Variants in ANKRD6 observed in about 807,000 individuals in gnomAD.
ANKRD6 encodes the protein ankyrin repeat domain-containing protein 6.
A neutral mutation model predicts 82.3 loss-of-function variants in ANKRD6; 56 were observed. The observed-to-expected ratio is 0.68, with a 90% CI of 0.55 to 0.85. The LOEUF is 0.85. Among genes scored for constraint, ANKRD6 ranks in the 40% least tolerant of loss-of-function variants. ANKRD6 has a pLI of 0.00. For synonymous variants in ANKRD6, 347 were observed against 352.1 expected, an observed-to-expected ratio of 0.99 and a Z score of 0.16; for missense variants, 852 against 907.6, an observed-to-expected ratio of 0.94 and a Z score of 0.79.
chr6:89,476,984 G>T (rs545399999), intron 1 of ANKRD6, among the ~76,000 whole-genome samples: 1 of 152,048 alleles, frequency 6.6e-6, no homozygotes, highest in African/African-American at 2.4e-5. Flanking sequence ...TCGTTCTGTC[G>T]CCCAGGCTGG....
intron 1 of ANKRD6, among the ~76,000 whole-genome samples, chr6:89,438,025 C>G (rs950542042): frequency 6.6e-6 from 1 of 152,162 alleles, no homozygotes; most frequent in Non-Finnish European, 1.5e-5. Context: ...GTTTTAAACT[C>G]AGATGAATGG....
In ANKRD6 at chr6:89,607,759, G is replaced by A. The variant is rs189222004; in HGVS notation, c.417+1654G>A. 2.2e-3 allele frequency among the ~76,000 whole-genome samples: 332 copies of A among 151,450 alleles called. 2 individuals carry two copies. Among genetic ancestry groups the A allele is most frequent in the African/African-American group, 7.7e-3 (318 of 41,312 alleles). On this transcript the variant is annotated intron_variant, in intron 5 of 15. Transcript: ENST00000339746. ...CAACCTCTGCCTCCTGAGTTCAAGC[G>A]ATTCTCCTGCCTCAGCCTCCTAAGT...
intron 1 of ANKRD6, among the ~76,000 whole-genome samples, chr6:89,469,379 A>C (rs1775201007): frequency 1.3e-5 from 2 of 152,120 alleles, no homozygotes; most frequent in South Asian, 4.1e-4. Flanking sequence ...TTGTAAGTCC[A>C]ACAAGCAGCT....
chr6:89,497,906 T>TGGTC (rs1778827539), intron 1 of ANKRD6, among the ~76,000 whole-genome samples: 1 of 152,202 alleles, frequency 6.6e-6, no homozygotes, highest in Non-Finnish European at 1.5e-5. Flanking sequence ...AGGCAACCAT[T>TGGTC]GGTCCCCTTT....
intron 1 of ANKRD6, among the ~76,000 whole-genome samples, chr6:89,499,860 T>C (rs1046999483): frequency 2.0e-5 from 3 of 152,060 alleles, no homozygotes; most frequent in Non-Finnish European, 4.4e-5. Context: ...CTTTGATTCC[T>C]CAAGACTTCA....
intron 1 of ANKRD6, among the ~76,000 whole-genome samples, chr6:89,512,729 A>C (rs147825550): frequency 6.6e-6 from 1 of 152,372 alleles, no homozygotes; most frequent in African/African-American, 2.4e-5. Context: ...ATGGCTGTGC[A>C]GCATGTTGCA....
chr6:89,473,459 T>C (rs1001588588), intron 1 of ANKRD6, among the ~76,000 whole-genome samples: 2 of 152,140 alleles, frequency 1.3e-5, no homozygotes, highest in African/African-American at 4.8e-5. Flanking sequence ...GTGTTACTTC[T>C]TGTTTACTTT....
intron 1 of ANKRD6, among the ~76,000 whole-genome samples, chr6:89,446,965 T>C (rs1772168944): frequency 6.6e-6 from 1 of 152,128 alleles, no homozygotes; most frequent in African/African-American, 2.4e-5. Flanking sequence ...TTCCTGAGGG[T>C]TCCCCAGCCC....
chr6:89,541,797 G>GAT (rs552201673), intron 1 of ANKRD6, among the ~76,000 whole-genome samples: 1,796 of 150,620 alleles, frequency 0.012, 20 homozygotes, highest in African/African-American at 0.021. Context: ...TTTTCATAGA[G>GAT]ATATATATAT....
At chr6:89,590,026 A>G (rs1794571918) in intron 2 of ANKRD6, among the ~76,000 whole-genome samples, 2 of 152,334 alleles carry the variant, frequency 1.3e-5, no homozygotes, top group African/African-American at 4.8e-5. Flanking sequence ...GATAACCTCC[A>G]GCCACACGTG....
At chr6:89,603,361 C>T (rs950231322) in intron 4 of ANKRD6, among the ~76,000 whole-genome samples, 12 of 129,730 alleles carry the variant, frequency 9.2e-5, no homozygotes. Flanking sequence ...GGGTCTCACT[C>T]TGTTGCCCAG....
intron 1 of ANKRD6, among the ~76,000 whole-genome samples, chr6:89,539,382 T>C (rs78370457): frequency 0.028 from 4,229 of 152,250 alleles, 89 homozygotes; most frequent in Non-Finnish European, 0.042. Flanking sequence ...CAAGTAGTGT[T>C]GTCCTTAACC....
chr6:89,606,145 G>C, intron 5 of ANKRD6, 40 bp downstream of exon 5: 5 of 1,474,676 alleles, frequency 3.4e-6, no homozygotes, highest in Non-Finnish European at 2.8e-6. Flanking sequence ...ATTCACAGGT[G>C]AGGATGGCTG....
Position 89,631,194 on chromosome 6 carries a change from C to A in ANKRD6, c.*190C>A. 1 of 1,061,284 alleles carries A rather than the reference C, an allele frequency of 9.4e-7. No homozygotes were observed. Among genetic ancestry groups the A allele is most frequent in the Non-Finnish European group, 1.2e-6 (1 of 801,220 alleles). 65.7% of individuals were successfully genotyped at this position (1,061,284 alleles called of 1,614,324 possible). Reference sequence around the variant, plus strand: ...AGTTATGAAGACTTCAACAATTAAACTGAAACCAGGGGAAGCTTGCTTAGT... The same window carrying A: ...AGTTATGAAGACTTCAACAATTAAAATGAAACCAGGGGAAGCTTGCTTAGT... On this transcript the variant is annotated 3_prime_UTR_variant, in exon 16 of 16. Transcript: ENST00000339746.
At chr6:89,440,310 G>A (rs1043733843) in intron 1 of ANKRD6, among the ~76,000 whole-genome samples, 10 of 152,208 alleles carry the variant, frequency 6.6e-5, no homozygotes, top group African/African-American at 1.9e-4. Flanking sequence ...AGTCTTTAGC[G>A]ATGGCGAATT....
intron 1 of ANKRD6, among the ~76,000 whole-genome samples, chr6:89,535,586 G>A (rs924946453): frequency 6.6e-6 from 1 of 152,188 alleles, no homozygotes; most frequent in Non-Finnish European, 1.5e-5. Context: ...CATTGAGTGG[G>A]CAGCTCTACA....
intron 1 of ANKRD6, among the ~76,000 whole-genome samples, chr6:89,531,850 T>C (rs919910644): frequency 3.3e-5 from 5 of 152,250 alleles, no homozygotes. Flanking sequence ...AATTGGCTCA[T>C]GCCATATGGA....
At chr6:89,445,443 G>A (rs896089140) in intron 1 of ANKRD6, among the ~76,000 whole-genome samples, 2 of 149,756 alleles carry the variant, frequency 1.3e-5, no homozygotes, top group Non-Finnish European at 3.0e-5. Context: ...GCTAATTTTT[G>A]TATTTTATTT....
chr6:89,581,161 GATACT>G (rs1792431590), intron 2 of ANKRD6, among the ~76,000 whole-genome samples: 1 of 152,146 alleles, frequency 6.6e-6, no homozygotes, highest in African/African-American at 2.4e-5. Flanking sequence ...CAAATTGTGG[GATACT>G]ATACTCTCCT....
Sources: gnomAD v4.1 joint callset for allele counts (sites outside exome capture counted in the v4.1 genomes callset) on GRCh38, gnomAD v4.1.1 for gene constraint, MANE v1.5 for transcripts, NCBI Gene and HGNC (gene_info 2026-07-23, HGNC 2026-07-21) for gene names.